Variants in ARID5B observed in about 807,000 individuals in gnomAD.
ARID5B encodes AT-rich interaction domain 5B.
A neutral mutation model predicts 97.2 loss-of-function variants in ARID5B; 13 were observed. That is an observed-to-expected ratio of 0.13 (90% CI 0.09 to 0.21). The LOEUF is 0.21. ARID5B is among the 10% of genes least tolerant of loss of function. The pLI, the probability that ARID5B is intolerant of heterozygous loss-of-function variation, is 1.00. For missense variants in ARID5B, 1,210 were observed against 1,465.3 expected (o/e 0.83, Z 2.84); for synonymous variants, 556 against 570.3 (o/e 0.97, Z 0.36).
Position 62,093,163 on chromosome 10 carries a change from G to A in ARID5B, c.*133G>A. On this transcript the variant is annotated 3_prime_UTR_variant, in exon 10 of 10. Transcript: ENST00000279873. ...GCTATGATCAGTCCCAGCTGTAGGG[G>A]CCCAGAGGGGAGGTGAACATGCCTG... is the stretch of plus-strand genomic sequence containing the variant. 1 of 1,346,424 alleles carries A rather than the reference G, an allele frequency of 7.4e-7. No individual in the cohort carries two copies. Among genetic ancestry groups the A allele is most frequent in the East Asian group, 2.4e-5 (1 of 42,086 alleles). The allele number at this position is 1,346,424 out of a possible 1,614,324, so 83.4% of individuals were successfully genotyped here.
chr10:62,035,441 G>GGGTGCCA (rs1285065292), intron 4 of ARID5B, among the ~76,000 whole-genome samples: 1 of 152,162 alleles, frequency 6.6e-6, no homozygotes, highest in Non-Finnish European at 1.5e-5. Context: ...TTTCAGTACA[G>GGGTGCCA]GGTGCCAGGT....
intron 4 of ARID5B, among the ~76,000 whole-genome samples, chr10:62,045,398 A>G (rs930863620): frequency 6.7e-6 from 1 of 150,066 alleles, no homozygotes; most frequent in East Asian, 1.9e-4. Context: ...AGGGTAGGTT[A>G]CTCCTCCCCC....
At chr10:61,986,225 C>T (rs767508322) in intron 3 of ARID5B, among the ~76,000 whole-genome samples, 4 of 152,112 alleles carry the variant, frequency 2.6e-5, no homozygotes, top group Admixed American at 2.0e-4. Flanking sequence ...GCAAGTCATT[C>T]ACCTCATTGA....
chr10:62,092,190 C>A lies in ARID5B; in HGVS notation c.2727C>A (p.Ser909Arg). The change falls in exon 10 of 10, where the codon AGC (serine) becomes AGA (arginine). Residue 909 changes from serine (S) to arginine (R), a missense_variant. Ser to Arg is a moderately radical substitution (Grantham distance 110). Coordinates refer to ENST00000279873, the MANE Select transcript of ARID5B (RefSeq NM_032199.3). ...CGGATGATCAGCCTACAGATCTGAG[C>A]CTTCCCAAGAACCCGCACAAACCTA... ...APTDDQPTDLSLPKNPHKPTG... is the reference protein window; with the variant it reads ...APTDDQPTDLRLPKNPHKPTG... 1 of 1,610,276 alleles carries A rather than the reference C, an allele frequency of 6.2e-7. No individual in the cohort carries two copies.
intron 7 of ARID5B, among the ~76,000 whole-genome samples, chr10:62,068,875 A>G (rs1840027000): frequency 6.6e-6 from 1 of 152,224 alleles, no homozygotes; most frequent in Non-Finnish European, 1.5e-5. Context: ...ATAAAATTAA[A>G]GGAAAAAATT....
chr10:61,988,270 AAAAG>A (rs1219080239), intron 3 of ARID5B, among the ~76,000 whole-genome samples: 5 of 152,188 alleles, frequency 3.3e-5, no homozygotes, highest in African/African-American at 1.2e-4. Flanking sequence ...GCACACTAGA[AAAAG>A]AAAGAAAGAA....
intron 4 of ARID5B, among the ~76,000 whole-genome samples, chr10:62,042,914 CAAAAAAAAAAA>C (rs34887438): frequency 2.5e-3 from 300 of 121,278 alleles, no homozygotes; most frequent in Non-Finnish European, 2.8e-3. Flanking sequence ...GAGTCTGTCC[CAAAAAAAAAAA>C]AAAAAAAAGA....
At chr10:62,009,043 C>T (rs894020258) in intron 4 of ARID5B, among the ~76,000 whole-genome samples, 1 of 152,146 alleles carries the variant, frequency 6.6e-6, no homozygotes, top group Non-Finnish European at 1.5e-5. Context: ...AATTAAATTT[C>T]GCTTGCCATG....
chr10:62,082,692 C>T (rs1257800428), intron 8 of ARID5B, among the ~76,000 whole-genome samples: 2 of 152,142 alleles, frequency 1.3e-5, no homozygotes, highest in African/African-American at 4.8e-5. Context: ...ACCACATGTA[C>T]GTTGAACGTT....
chr10:62,016,910 G>A (rs1839291213), intron 4 of ARID5B, among the ~76,000 whole-genome samples: 1 of 152,170 alleles, frequency 6.6e-6, no homozygotes, highest in Non-Finnish European at 1.5e-5. Flanking sequence ...ATGTACAAAA[G>A]GCTTTGTAGT....
chr10:61,926,149 A>T (rs1386222565), intron 2 of ARID5B, among the ~76,000 whole-genome samples: 1 of 152,232 alleles, frequency 6.6e-6, no homozygotes, highest in Non-Finnish European at 1.5e-5. Flanking sequence ...AAAATTCTTT[A>T]CATTTTTAAC....
intron 5 of ARID5B, among the ~76,000 whole-genome samples, chr10:62,055,840 G>A (rs755135924): frequency 7.9e-5 from 12 of 152,062 alleles, no homozygotes; most frequent in Non-Finnish European, 1.3e-4. Flanking sequence ...TACTAAATAA[G>A]CATAGTCTTT....
chr10:62,024,063 A>G (rs1839388858), intron 4 of ARID5B, among the ~76,000 whole-genome samples: 1 of 152,198 alleles, frequency 6.6e-6, no homozygotes, highest in Admixed American at 6.5e-5. Context: ...TCCTCTCAGC[A>G]CAGAGTGCCT....
intron 4 of ARID5B, among the ~76,000 whole-genome samples, chr10:62,042,092 T>C (rs1172336616): frequency 1.3e-5 from 2 of 152,214 alleles, no homozygotes; most frequent in African/African-American, 2.4e-5. Flanking sequence ...CCAGAGCAGA[T>C]CCTTAAACAG....
At chr10:61,999,591 A>T (rs908944672) in intron 3 of ARID5B, among the ~76,000 whole-genome samples, 2 of 152,182 alleles carry the variant, frequency 1.3e-5, no homozygotes, top group African/African-American at 4.8e-5. Flanking sequence ...GAAAAGATGA[A>T]AATTCAAAAT....
intron 2 of ARID5B, among the ~76,000 whole-genome samples, chr10:61,925,253 G>A (rs749883186): frequency 2.6e-5 from 4 of 152,032 alleles, no homozygotes; most frequent in Admixed American, 6.6e-5. Context: ...AGTAATGGTC[G>A]AGTCATTCCG....
At chr10:61,983,867 C>CTTTTTTTTTTTTTTTTTTTTTTTTTTT (rs1164342402) in intron 3 of ARID5B, among the ~76,000 whole-genome samples, 1 of 27,590 alleles carries the variant, frequency 3.6e-5, no homozygotes, top group African/African-American at 1.6e-4. Flanking sequence ...CCCTTTTGTT[C>CTTTTTTTTTTTTTTTTTTTTTTTTTTT]TTTTTTTTTT....
chr10:61,912,695 C>G (rs1843827490), intron 2 of ARID5B, among the ~76,000 whole-genome samples: 2 of 150,988 alleles, frequency 1.3e-5, no homozygotes, highest in South Asian at 4.2e-4. Flanking sequence ...TGTATACACA[C>G]ATACACACAC....
intron 3 of ARID5B, among the ~76,000 whole-genome samples, chr10:61,951,481 G>C (rs1449090571): frequency 6.6e-6 from 1 of 152,096 alleles, no homozygotes; most frequent in Non-Finnish European, 1.5e-5. Flanking sequence ...TTGGCATTCC[G>C]CTTAGGATCC....
Sources: gnomAD v4.1 joint callset for allele counts (sites outside exome capture counted in the v4.1 genomes callset) on GRCh38, gnomAD v4.1.1 for gene constraint, MANE v1.5 for transcripts, NCBI Gene and HGNC (gene_info 2026-07-23, HGNC 2026-07-21) for gene names.